The following CDK14 variants were observed in gnomAD, a reference collection of about 807,000 sequenced individuals.
The protein encoded by CDK14 is cyclin dependent kinase 14, also known as cyclin-dependent kinase 14.
Under a neutral mutation model 60.7 loss-of-function variants are expected in CDK14, and 34 were observed. The ratio of observed to expected loss-of-function variants is 0.56; its 90% CI spans 0.43 to 0.75. The LOEUF (loss-of-function observed/expected upper bound fraction) is 0.75, where lower values mean the gene tolerates loss of function less well. Ranked by LOEUF, CDK14 falls within the 30% of genes least tolerant of loss-of-function variation. CDK14 has a pLI of 0.00. For missense variants in CDK14, 482 were observed against 564.1 expected (o/e 0.85, Z 1.47); for synonymous variants, 197 against 203.7 (o/e 0.97, Z 0.28).
chr7:90,838,594 C>T (rs1043254483), intron 5 of CDK14, among the ~76,000 whole-genome samples: 1 of 152,106 alleles, frequency 6.6e-6, no homozygotes, highest in African/African-American at 2.4e-5. Context: ...AATTAATACC[C>T]TGGGAAAGGA....
intron 2 of CDK14, among the ~76,000 whole-genome samples, chr7:90,627,796 C>T (rs1204850129): frequency 6.6e-6 from 1 of 152,170 alleles, no homozygotes; most frequent in African/African-American, 2.4e-5. Context: ...ACTGCTTTGT[C>T]TTATGGTAGG....
At chr7:90,856,253 A>C (rs1013375714) in intron 5 of CDK14, among the ~76,000 whole-genome samples, 2 of 152,202 alleles carry the variant, frequency 1.3e-5, no homozygotes, top group African/African-American at 4.8e-5. Context: ...CCTTACGTTT[A>C]GAGTTGGCTA....
At chr7:90,755,638 A>T (rs1180599875) in intron 4 of CDK14, among the ~76,000 whole-genome samples, 1 of 152,290 alleles carries the variant, frequency 6.6e-6, no homozygotes, top group East Asian at 1.9e-4. Flanking sequence ...CTTAAAAAGT[A>T]TTTTTTTAAG....
At chr7:91,203,432 C>T (rs1319489298) in intron 14 of CDK14, among the ~76,000 whole-genome samples, 1 of 152,214 alleles carries the variant, frequency 6.6e-6, no homozygotes, top group Non-Finnish European at 1.5e-5. Flanking sequence ...CAAGAACATA[C>T]TGATGCCACC....
intron 2 of CDK14, among the ~76,000 whole-genome samples, chr7:90,658,698 G>T (rs1157117524): frequency 1.3e-5 from 2 of 152,054 alleles, no homozygotes; most frequent in African/African-American, 2.4e-5. Flanking sequence ...TATTCATTTG[G>T]TTGCTGGAGA....
rs1801800504 is a variant in CDK14, at chr7:90,702,228, A to G, written c.124-24339A>G. 2.0e-5 allele frequency among the ~76,000 whole-genome samples: 3 copies of G among 152,314 alleles called. No individual in the cohort carries two copies. The South Asian group carries it at 6.2e-4, about 32-fold the overall frequency. On this transcript the variant is annotated intron_variant, in intron 2 of 14. Transcript: ENST00000380050. The stretch of plus-strand genomic sequence containing the variant: ...TCCTATTTTAATAAACACTCAGGGA[A>G]AGCATTCCACAAGGGATGGCAAAAA...
chr7:90,972,646 G>A (rs1794962917), intron 9 of CDK14, among the ~76,000 whole-genome samples: 1 of 152,170 alleles, frequency 6.6e-6, no homozygotes, highest in Non-Finnish European at 1.5e-5. Context: ...TAATGTGGAA[G>A]CATTCTGAGT....
chr7:91,077,806 T>C (rs1398017190), intron 11 of CDK14, among the ~76,000 whole-genome samples: 1 of 151,882 alleles, frequency 6.6e-6, no homozygotes, highest in Non-Finnish European at 1.5e-5. Context: ...AAAAAAATTC[T>C]ATAAACTGAT....
intron 4 of CDK14, among the ~76,000 whole-genome samples, chr7:90,761,330 G>GT (rs1804304406): frequency 1.4e-5 from 2 of 138,814 alleles, no homozygotes; most frequent in South Asian, 2.5e-4. Flanking sequence ...CACTCTTTGG[G>GT]GTTTTTTTTT....
At chr7:90,623,182 C>G (rs1485384594) in intron 2 of CDK14, among the ~76,000 whole-genome samples, 5 of 151,936 alleles carry the variant, frequency 3.3e-5, no homozygotes, top group African/African-American at 9.7e-5. Context: ...TGTTTTTCCT[C>G]TAACCCAGAC....
chr7:90,930,980 C>T (rs1261730739), intron 8 of CDK14, among the ~76,000 whole-genome samples: 1 of 152,078 alleles, frequency 6.6e-6, no homozygotes, highest in Non-Finnish European at 1.5e-5. Flanking sequence ...CATATGACTT[C>T]TTGTACATCT....
rs559508317 is a variant in CDK14 at position 90,778,012 on chromosome 7, A to C, written c.465-12561A>C. Among the ~76,000 whole-genome samples the C allele has an allele frequency of 1.6e-4, 24 of 152,250 alleles. No homozygotes were observed. The Middle Eastern group carries it at 0.014, about 86-fold the overall frequency. ...ATCAGGAAATTCCTACATATTTTCT[A>C]CCTCTTCTCTGAGTGTTTACTTCTG... is the stretch of plus-strand genomic sequence containing the variant. On this transcript the variant is annotated intron_variant, in intron 4 of 14. Transcript: ENST00000380050.
rs765916803 is a variant in CDK14, at chr7:90,660,825, G to T, written c.123+56576G>T. 1.7e-4 allele frequency among the ~76,000 whole-genome samples: 26 copies of T among 152,148 alleles called. 1 individual carries two copies. Among genetic ancestry groups the T allele is most frequent in the Non-Finnish European group, 1.5e-4 (10 of 68,036 alleles). On this transcript the variant is annotated intron_variant, in intron 2 of 14. Transcript: ENST00000380050. ...AGTTCCGAATGACTTTCTCCTGGTT[G>T]GATTGGTTTAGTGAAGTGTGACTAT...
intron 2 of CDK14, among the ~76,000 whole-genome samples, chr7:90,641,144 G>A (rs574848814): frequency 6.6e-6 from 1 of 151,944 alleles, no homozygotes; most frequent in East Asian, 1.9e-4. Context: ...GCAAATGTTG[G>A]TGAGGATGTG....
chr7:90,879,992 A>C (rs1236746130), intron 6 of CDK14, among the ~76,000 whole-genome samples: 1 of 152,204 alleles, frequency 6.6e-6, no homozygotes, highest in Non-Finnish European at 1.5e-5. Context: ...TTGTGAACCC[A>C]TGCCACCAGG....
intron 14 of CDK14, among the ~76,000 whole-genome samples, chr7:91,178,683 T>C (rs1292884233): frequency 6.6e-6 from 1 of 152,032 alleles, no homozygotes; most frequent in Non-Finnish European, 1.5e-5. Context: ...AAGACATTTA[T>C]GCAGCCAAAA....
chr7:90,856,767 G>A (rs942391079), intron 5 of CDK14, among the ~76,000 whole-genome samples: 8 of 152,128 alleles, frequency 5.3e-5, no homozygotes, highest in African/African-American at 1.9e-4. Flanking sequence ...ACTATTTGTA[G>A]TAAAAGTAAA....
At chr7:90,614,251 C>T (rs1370690122) in intron 2 of CDK14, among the ~76,000 whole-genome samples, 9 of 152,100 alleles carry the variant, frequency 5.9e-5, no homozygotes, top group Non-Finnish European at 1.2e-4. Context: ...GTGATCCACC[C>T]GCCTTGGCCT....
intron 2 of CDK14, among the ~76,000 whole-genome samples, chr7:90,648,289 C>G (rs1489719119): frequency 6.6e-6 from 1 of 152,132 alleles, no homozygotes; most frequent in Non-Finnish European, 1.5e-5. Context: ...GGTTCCTTGC[C>G]TCATGGACCT....
Sources: gnomAD v4.1 joint callset for allele counts (sites outside exome capture counted in the v4.1 genomes callset) on GRCh38, gnomAD v4.1.1 for gene constraint, MANE v1.5 for transcripts, NCBI Gene and HGNC (gene_info 2026-07-23, HGNC 2026-07-21) for gene names.